The following DRD3 variants were observed in gnomAD, a reference collection of about 807,000 sequenced individuals.
The protein encoded by DRD3 is dopamine receptor D3, also known as D(3) dopamine receptor.
In DRD3, 19 loss-of-function variants were observed where a neutral mutation model predicts 36.3. The ratio of observed to expected loss-of-function variants is 0.52; its 90% CI spans 0.36 to 0.77. The LOEUF (loss-of-function observed/expected upper bound fraction) is 0.77, where lower values mean the gene tolerates loss of function less well. Among genes scored for constraint, DRD3 ranks in the 30% least tolerant of loss-of-function variants. DRD3 has a pLI of 0.00. For missense variants in DRD3, 465 were observed against 505.3 expected, an observed-to-expected ratio of 0.92 and a Z score of 0.77; for synonymous variants, 195 against 203.7, an observed-to-expected ratio of 0.96 and a Z score of 0.36.
At chr3:114,190,351 C>T (rs2077997622) in intron 1 of DRD3, among the ~76,000 whole-genome samples, 1 of 138,494 alleles carries the variant, frequency 7.2e-6, no homozygotes. Context: ...AATGTTATCC[C>T]AATCCATGCA....
chr3:114,175,738 A>G (rs73856263), intron 1 of DRD3, among the ~76,000 whole-genome samples: 8,555 of 152,238 alleles, frequency 0.056, 807 homozygotes, highest in African/African-American at 0.2. Flanking sequence ...CCCTTTGTAT[A>G]ATTAGCCACT....
At chr3:114,171,536 G>A (rs2077841579) in intron 2 of DRD3, among the ~76,000 whole-genome samples, 187 bp downstream of exon 2, 1 of 152,168 alleles carries the variant, frequency 6.6e-6, no homozygotes, top group African/African-American at 2.4e-5. Context: ...GTTCTGATGT[G>A]GATGAGGGAC....
intron 1 of DRD3, among the ~76,000 whole-genome samples, chr3:114,174,684 T>C (rs1399857106): frequency 6.6e-6 from 1 of 151,828 alleles, no homozygotes; most frequent in Non-Finnish European, 1.5e-5. Context: ...AAAGCAAAGA[T>C]GAGTGAGATG....
At chr3:114,147,605 G>A (rs770763251) in intron 3 of DRD3, 48 bp from the exon 4 acceptor site, 2 of 1,583,878 alleles carry the variant, frequency 1.3e-6, no homozygotes, top group Non-Finnish European at 1.7e-6. Flanking sequence ...ATGGAATGGG[G>A]TACTTTTCTT....
rs2077988426 is a variant in DRD3 at position 114,188,601 on chromosome 3, T to C, written c.-155-9825A>G. On this transcript the variant is annotated intron_variant, in intron 1 of 7. Coordinates refer to the DRD3 transcript ENST00000460779. ...TGGCTGCACCAGCTACACGTATTCA[T>C]ATTCTCAGTGCAACATCCAGAGGTG... Among the ~76,000 whole-genome samples, 3 of 152,224 alleles carry C rather than the reference T, an allele frequency of 2.0e-5. No homozygotes were observed. The South Asian group carries it at 6.2e-4, about 31-fold the overall frequency.
chr3:114,172,967 C>A (rs1355455051), intron 1 of DRD3, among the ~76,000 whole-genome samples: 1 of 151,866 alleles, frequency 6.6e-6, no homozygotes, highest in Non-Finnish European at 1.5e-5. Context: ...GCTGTGGTCT[C>A]GGTGTTTGTG....
rs866801490 is a variant in DRD3 at position 114,156,753 on chromosome 3, T to G, written c.383+3002A>C. Reference sequence around the variant, plus strand: ...TCTTTCTTTCTTTCTTTTTCTTTCTTTCTTTCTTTCTTTCTTTCTTTCTTT... The same window carrying G: ...TCTTTCTTTCTTTCTTTTTCTTTCTGTCTTTCTTTCTTTCTTTCTTTCTTT... On this transcript the variant is annotated intron_variant, in intron 3 of 6. Transcript: ENST00000383673. 2.1e-3 allele frequency among the ~76,000 whole-genome samples: 212 copies of G among 99,480 alleles called. 2 individuals carry two copies. The highest frequency in any genetic ancestry group is 7.4e-3 in the African/African-American group (197 of 26,460). The allele number at this position is 99,480 out of a possible 152,430, so 65.3% of individuals were successfully genotyped here. A position where few individuals can be genotyped will look rare whatever the true frequency, so the allele number is the denominator to read the frequency against.
rs1341591735 is a variant in DRD3, at chr3:114,171,678, T to C, written c.270+45A>G. The C allele has an allele frequency of 2.7e-6, 4 of 1,508,626 alleles. No homozygotes were observed. The South Asian group carries it at 5.4e-5, about 20-fold the overall frequency. The allele number at this position is 1,508,626 out of a possible 1,614,324, so 93.5% of individuals were successfully genotyped here. A position where few individuals can be genotyped will look rare whatever the true frequency, so the allele number is the denominator to read the frequency against. ...AAGGCCAGAACTCAGGGAAGACAAG[T>C]ACTAGCACAGTCATAGAGACAACAT... On this transcript the variant is annotated intron_variant, in intron 2 of 6. Transcript: ENST00000383673.
chr3:114,164,002 C>T (rs909631138), intron 2 of DRD3, among the ~76,000 whole-genome samples: 7 of 151,828 alleles, frequency 4.6e-5, no homozygotes, highest in African/African-American at 1.7e-4. Flanking sequence ...AGGTGGATAA[C>T]TTGAGGTCAG....
intron 4 of DRD3, among the ~76,000 whole-genome samples, chr3:114,143,296 T>G: frequency 6.6e-6 from 1 of 151,770 alleles, no homozygotes; most frequent in South Asian, 2.1e-4. Context: ...GGGAGGTTAC[T>G]CCTCCTCTGA....
intron 4 of DRD3, among the ~76,000 whole-genome samples, chr3:114,145,430 G>T (rs1476066680): frequency 6.6e-6 from 1 of 152,140 alleles, no homozygotes; most frequent in Non-Finnish European, 1.5e-5. Context: ...AGTAATGAAA[G>T]GTAAACAGTA....
chr3:114,197,851 T>C (rs1482447956), intron 1 of DRD3, among the ~76,000 whole-genome samples: 4 of 152,248 alleles, frequency 2.6e-5, no homozygotes, highest in African/African-American at 9.6e-5. Context: ...TGGCTATATA[T>C]GTCTTCAAGT....
chr3:114,187,226 C>G (rs147607425), intron 1 of DRD3, among the ~76,000 whole-genome samples: 1 of 152,154 alleles, frequency 6.6e-6, no homozygotes, highest in Admixed American at 6.5e-5. Flanking sequence ...TAGAAATAAA[C>G]GATCATTATT....
At chr3:114,152,722 G>C (rs1354505409) in intron 3 of DRD3, among the ~76,000 whole-genome samples, 1 of 152,212 alleles carries the variant, frequency 6.6e-6, no homozygotes, top group Non-Finnish European at 1.5e-5. Context: ...CCGGCGCCCT[G>C]CTTCCTGGAA....
At position 114,128,631 on chromosome 3, in the gene DRD3, C is replaced by T. The variant is rs551738437; in HGVS notation, c.*85G>A. 98 of 1,335,400 alleles carry T rather than the reference C, an allele frequency of 7.3e-5. No homozygotes were observed. Among genetic ancestry groups the T allele is most frequent in the South Asian group, 7.0e-4 (39 of 55,908 alleles). The allele number at this position is 1,335,400 out of a possible 1,614,324, so 82.7% of individuals were successfully genotyped here. On this transcript the variant is annotated 3_prime_UTR_variant, in exon 7 of 7. Coordinates refer to ENST00000383673, the MANE Select transcript of DRD3 (RefSeq NM_000796.6). ...CAGGAATCTTCTTCCTACTGCATGC[C>T]GGAGGACACTGCACAGTCTTTCTGA...
intron 5 of DRD3, among the ~76,000 whole-genome samples, chr3:114,138,077 G>A (rs1469048600): frequency 2.7e-5 from 4 of 147,754 alleles, no homozygotes; most frequent in East Asian, 4.0e-4. Flanking sequence ...GCAGAGGCAC[G>A]AGAATCGCTT....
chr3:114,151,504 C>A (rs2077617428), intron 3 of DRD3, among the ~76,000 whole-genome samples: 1 of 152,162 alleles, frequency 6.6e-6, no homozygotes, highest in African/African-American at 2.4e-5. Context: ...TAAGCTACCA[C>A]CAAAGCTTTA....
chr3:114,130,957 T>C (rs1193792456), intron 6 of DRD3, among the ~76,000 whole-genome samples, 161 bp downstream of exon 6: 1 of 152,210 alleles, frequency 6.6e-6, no homozygotes, highest in African/African-American at 2.4e-5. Context: ...CTTTTGAATT[T>C]CCACCAGAGT....
intron 1 of DRD3, among the ~76,000 whole-genome samples, chr3:114,196,097 T>C (rs991974309): frequency 6.6e-6 from 1 of 152,220 alleles, no homozygotes. Context: ...GAGGGATTGC[T>C]ATCCGTAACA....
Sources: gnomAD v4.1 joint callset for allele counts (sites outside exome capture counted in the v4.1 genomes callset) on GRCh38, gnomAD v4.1.1 for gene constraint, MANE v1.5 for transcripts, NCBI Gene and HGNC (gene_info 2026-07-23, HGNC 2026-07-21) for gene names.